The following SLC9C1 variants were observed in gnomAD, a reference collection of about 807,000 sequenced individuals.
The protein encoded by SLC9C1 is sodium/hydrogen exchanger 10.
In SLC9C1, 97 loss-of-function variants were observed where a neutral mutation model predicts 140.9. The observed-to-expected ratio is 0.69, with a 90% CI of 0.58 to 0.82. The LOEUF (loss-of-function observed/expected upper bound fraction) is 0.82. Among genes scored for constraint, SLC9C1 ranks in the 40% least tolerant of loss-of-function variants. SLC9C1 has a pLI of 0.00. For missense variants in SLC9C1, 1,340 were observed against 1,389.3 expected (o/e 0.96, Z 0.56); for synonymous variants, 440 against 442.6 (o/e 0.99, Z 0.07).
At chr3:112,180,503 A>G (rs1266899156) in intron 22 of SLC9C1, 61 bp downstream of exon 22, 1 of 1,388,572 alleles carries the variant, frequency 7.2e-7, no homozygotes, top group East Asian at 2.4e-5. Context: ...AGCTTGGGCA[A>G]CAAGAGAGAA....
intron 1 of SLC9C1, among the ~76,000 whole-genome samples, chr3:112,288,780 G>A (rs1178415392): frequency 6.6e-6 from 1 of 151,994 alleles, no homozygotes; most frequent in Non-Finnish European, 1.5e-5. Context: ...TTCAGAATCT[G>A]CGGTCAGACT....
intron 20 of SLC9C1, among the ~76,000 whole-genome samples, chr3:112,187,214 G>A (rs2077556975): frequency 6.6e-6 from 1 of 152,122 alleles, no homozygotes; most frequent in South Asian, 2.1e-4. Context: ...ATAAAATAGG[G>A]ACAACAATAG....
chr3:112,233,050 C>CACACACACATAT (rs1326383624), intron 12 of SLC9C1, among the ~76,000 whole-genome samples: 2 of 86,628 alleles, frequency 2.3e-5, no homozygotes, highest in African/African-American at 7.8e-5. Context: ...CACACACACA[C>CACACACACATAT]ATATATATAT....
chr3:112,191,732 T>G (rs576860791), intron 20 of SLC9C1, among the ~76,000 whole-genome samples: 3 of 152,262 alleles, frequency 2.0e-5, no homozygotes, highest in Admixed American at 2.0e-4. Context: ...TTCTTTGCTT[T>G]TTTGGAGGAG....
intron 8 of SLC9C1, among the ~76,000 whole-genome samples, chr3:112,265,929 CT>C (rs1044884061): frequency 1.3e-5 from 2 of 151,926 alleles, no homozygotes; most frequent in African/African-American, 4.8e-5. Flanking sequence ...AATTACTGCA[CT>C]TTTGGCACCC....
At chr3:112,284,779 C>T (rs892812177) in intron 2 of SLC9C1, among the ~76,000 whole-genome samples, 13 of 151,988 alleles carry the variant, frequency 8.6e-5, no homozygotes, top group African/African-American at 3.1e-4. Flanking sequence ...GACAATTTGC[C>T]AAGGCATAGA....
chr3:112,191,206 G>A (rs1035166402), intron 20 of SLC9C1, among the ~76,000 whole-genome samples: 8 of 152,020 alleles, frequency 5.3e-5, no homozygotes, highest in African/African-American at 1.7e-4. Flanking sequence ...TTCTTCTCAT[G>A]CCTAACTGCT....
chr3:112,278,620 C>T (rs1182160763), intron 4 of SLC9C1, 109 bp downstream of exon 4: 7 of 1,198,842 alleles, frequency 5.8e-6, no homozygotes, highest in Admixed American at 2.6e-5. Context: ...ACTCCCATAC[C>T]CTTTTCTTTC....
chr3:112,223,566 A>AGC (rs2078598578), intron 13 of SLC9C1, among the ~76,000 whole-genome samples: 1 of 62,486 alleles, frequency 1.6e-5, no homozygotes, highest in South Asian at 1.6e-3. Flanking sequence ...TAGCTTATCA[A>AGC]ACAAATAAAC....
At chr3:112,289,820 A>G (rs1054419144) in intron 1 of SLC9C1, among the ~76,000 whole-genome samples, 1 of 152,238 alleles carries the variant, frequency 6.6e-6, no homozygotes. Flanking sequence ...TCTCGAATGT[A>G]ATATAAGTGA....
chr3:112,141,282 C>G lies in SLC9C1; in HGVS notation c.3525-1G>C. Reference sequence around the variant, plus strand: ...GTCTTCTTAACAGTCTTACTCTTTCCTAATAGAAGCGGAAAGAAAAAACAA... The same window carrying G: ...GTCTTCTTAACAGTCTTACTCTTTCGTAATAGAAGCGGAAAGAAAAAACAA... On this transcript the variant is annotated splice_acceptor_variant, in intron 28 of 28. Transcript: ENST00000305815. LOFTEE classifies it high-confidence loss of function. 1 of 1,581,874 alleles carries G rather than the reference C, an allele frequency of 6.3e-7. No individual in the cohort carries two copies. The highest frequency in any genetic ancestry group is 1.4e-5 in the African/African-American group (1 of 72,456).
Position 112,231,385 on chromosome 3 carries a change from G to A in SLC9C1, c.1548C>T (p.Asn516=), listed in dbSNP as rs200279555. The part of the protein sequence containing the change: ...IFNTEAMELA[N]RRLLSAQIAS... ...CTATTTGTGCTGACAAGAGACGCCTGTTGGCCAGCTCCATTGCTTCAGTGT... is the reference window on the plus strand; with the variant it reads ...CTATTTGTGCTGACAAGAGACGCCTATTGGCCAGCTCCATTGCTTCAGTGT... Residue 516 remains asparagine (N), a synonymous_variant, in exon 13 of 29, where the codon AAC becomes AAT. Coordinates refer to ENST00000305815, the MANE Select transcript of SLC9C1 (RefSeq NM_183061.3). The A allele has an allele frequency of 3.1e-6, 5 of 1,613,440 alleles. No individual in the cohort carries two copies. In the Admixed American group the frequency reaches 8.3e-5, roughly 27 times the overall value.
chr3:112,213,164 T>A (rs901426124), intron 15 of SLC9C1, among the ~76,000 whole-genome samples: 1 of 152,130 alleles, frequency 6.6e-6, no homozygotes, highest in African/African-American at 2.4e-5. Flanking sequence ...GCTGAGAGAC[T>A]TTGTCACCAC....
At chr3:112,241,779 C>T (rs945166834) in intron 11 of SLC9C1, among the ~76,000 whole-genome samples, 11 of 152,024 alleles carry the variant, frequency 7.2e-5, no homozygotes, top group Non-Finnish European at 1.5e-5. Context: ...GAATAGAGAA[C>T]CCAGAAGAAA....
At chr3:112,201,455 G>A (rs1277013065) in intron 18 of SLC9C1, among the ~76,000 whole-genome samples, 1 of 151,980 alleles carries the variant, frequency 6.6e-6, no homozygotes, top group South Asian at 2.1e-4. Flanking sequence ...TACTTTTTGT[G>A]TTCTACCACA....
intron 23 of SLC9C1, among the ~76,000 whole-genome samples, chr3:112,173,940 A>T (rs915997692): frequency 6.6e-6 from 1 of 152,184 alleles, no homozygotes; most frequent in Non-Finnish European, 1.5e-5. Flanking sequence ...CCTTGCCAGC[A>T]TGTGTTATTT....
intron 26 of SLC9C1, among the ~76,000 whole-genome samples, chr3:112,160,575 C>T: frequency 6.6e-6 from 1 of 151,832 alleles, no homozygotes; most frequent in Non-Finnish European, 1.5e-5. Context: ...CAATTTCATC[C>T]ATGTCCCCAC....
chr3:112,227,604 A>G (rs2078716383), intron 13 of SLC9C1, among the ~76,000 whole-genome samples: 1 of 152,162 alleles, frequency 6.6e-6, no homozygotes, highest in African/African-American at 2.4e-5. Context: ...AAAACCATAT[A>G]TGACAAATCC....
chr3:112,293,931 T>C (rs1222542568), intron 1 of SLC9C1, among the ~76,000 whole-genome samples, 162 bp downstream of exon 1: 1 of 152,078 alleles, frequency 6.6e-6, no homozygotes, highest in African/African-American at 2.4e-5. Context: ...AAGTGTTCCA[T>C]GGTCTGCCAC....
Sources: gnomAD v4.1 joint callset for allele counts (sites outside exome capture counted in the v4.1 genomes callset) on GRCh38, gnomAD v4.1.1 for gene constraint, MANE v1.5 for transcripts, NCBI Gene and HGNC (gene_info 2026-07-23, HGNC 2026-07-21) for gene names.